Variants in MPST observed in about 807,000 individuals in gnomAD.
MPST encodes the protein mercaptopyruvate sulfurtransferase, also known as 3-mercaptopyruvate sulfurtransferase.
A neutral mutation model predicts 28.5 loss-of-function variants in MPST; 27 were observed. The observed-to-expected ratio is 0.95, with a 90% CI of 0.70 to 1.31. The LOEUF is 1.31. MPST is among the 50% of genes most tolerant of loss of function. MPST has a pLI of 0.00. For synonymous variants in MPST, 204 were observed against 209.3 expected (o/e 0.97, Z 0.22); for missense variants, 492 against 471.1 (o/e 1.04, Z -0.41).
At chr22:37,025,562 G>T (rs5756490) in intron 2 of MPST, 47,413 of 163,208 alleles carry the variant, frequency 0.29, 7,406 homozygotes, top group East Asian at 0.59. Flanking sequence ...ATGCGAGGAG[G>T]AGTCCCCACA....
intron 1 of MPST, chr22:37,023,933 G>A (rs1473607978): frequency 6.6e-7 from 1 of 1,525,044 alleles, no homozygotes; most frequent in Admixed American, 1.8e-5. Flanking sequence ...TGGAGGTGAG[G>A]GGCGTGGCCT....
intron 2 of MPST, 182 bp from the exon 3 acceptor site, chr22:37,029,034 A>G: frequency 1.6e-6 from 1 of 621,274 alleles, no homozygotes; most frequent in East Asian, 2.8e-5. Flanking sequence ...CGTGTATAAA[A>G]TGGGGGCTCC....
intron 2 of MPST, chr22:37,025,139 G>T (rs1426640699): frequency 1.4e-5 from 20 of 1,391,066 alleles, no homozygotes; most frequent in Non-Finnish European, 1.7e-5. Context: ...TGGGGAAGGA[G>T]ATTTGACTTC....
chr22:37,025,982 C>T (rs896764858), intron 2 of MPST: 6 of 152,224 alleles, frequency 3.9e-5, no homozygotes, highest in African/African-American at 1.2e-4. Context: ...TTGGTGAATA[C>T]AGAAGGTCCC....
Position 37,024,583 on chromosome 22 carries a change from A to G in MPST, c.428A>G (p.His143Arg), listed in dbSNP as rs2145918018. The change falls in exon 2 of 3, where the codon CAC (histidine) becomes CGC (arginine). Residue 143 changes from histidine to arginine, a missense_variant. Coordinates refer to ENST00000429360, the MANE Select transcript of MPST (RefSeq NM_021126.8). The stretch of plus-strand genomic sequence containing the variant: ...TGGATGTTCCGCGCCTTCGGCCACC[A>G]CGCCGTGTCACTGCTTGATGGCGGC... ...VWWMFRAFGH[H>R]AVSLLDGGLR... The G allele has an allele frequency of 6.3e-7, 1 of 1,591,364 alleles. No homozygotes were observed. Among genetic ancestry groups the G allele is most frequent in the Non-Finnish European group, 8.5e-7 (1 of 1,175,314 alleles).
intron 1 of MPST, chr22:37,023,849 T>C: frequency 7.2e-7 from 1 of 1,394,862 alleles, no homozygotes; most frequent in Non-Finnish European, 9.4e-7. Flanking sequence ...GGTGGAGACT[T>C]TGCCCCTGTT....
intron 1 of MPST, among the ~76,000 whole-genome samples, chr22:37,022,064 G>T (rs1026011606): frequency 6.6e-6 from 1 of 152,100 alleles, no homozygotes; most frequent in African/African-American, 2.4e-5. Flanking sequence ...AGTGTTTGGG[G>T]GTGCACAGGG....
At chr22:37,028,430 T>TGAGGCAGGAGAATCACTTG (rs1923666240) in intron 2 of MPST, 1 of 151,710 alleles carries the variant, frequency 6.6e-6, no homozygotes, top group African/African-American at 2.4e-5. Context: ...CTCAGGAGGC[T>TGAGGCAGGAGAATCACTTG]GAGGCAGGAG....
rs756405108 is a variant in MPST, at chr22:37,029,251, A to T, written c.691A>T (p.Ile231Phe). ...EPGHIPGTVN[I>F]PFTDFLSQEG... ...TGGCCACATCCCAGGTACCGTGAAC[A>T]TCCCCTTCACAGACTTCCTGAGCCA... is the stretch of plus-strand genomic sequence containing the variant. Residue 231 changes from isoleucine (I) to phenylalanine (F), a missense_variant, in exon 3 of 3, where the codon ATC (isoleucine) becomes TTC (phenylalanine). Transcript: ENST00000429360. 7 of 1,613,986 alleles carry T rather than the reference A, an allele frequency of 4.3e-6. No homozygotes were observed. Among genetic ancestry groups the T allele is most frequent in the South Asian group, 3.3e-5 (3 of 91,062 alleles).
chr22:37,021,922 T>A (rs1923105512), intron 1 of MPST, among the ~76,000 whole-genome samples: 1 of 152,094 alleles, frequency 6.6e-6, no homozygotes, highest in South Asian at 2.1e-4. Context: ...CACACCCACA[T>A]CACACAACCA....
Position 37,024,440 on chromosome 22 carries a change from G to C in MPST, c.285G>C (p.Met95Ile), listed in dbSNP as rs1325000914. Residue 95 changes from methionine to isoleucine, a missense_variant, in exon 2 of 3, where the codon ATG becomes ATC. Transcript: ENST00000429360. ...ACCGCACCTCGCCCTACGACCACAT[G>C]CTGCCCGGGGCCGAGCATTTCGCGG... ...CSDRTSPYDH[M>I]LPGAEHFAEY... 5 of 1,543,914 alleles carry C rather than the reference G, an allele frequency of 3.2e-6. No individual in the cohort carries two copies. Among genetic ancestry groups the C allele is most frequent in the Non-Finnish European group, 4.4e-6 (5 of 1,142,898 alleles).
chr22:37,025,275 A>C, intron 2 of MPST: 3 of 687,020 alleles, frequency 4.4e-6, no homozygotes, highest in Non-Finnish European at 6.2e-6. Flanking sequence ...TCTCAATCCA[A>C]CACTAGAGGT....
chr22:37,019,800 T>C lies in MPST; in HGVS notation c.-37T>C, dbSNP rs1000403867. ...GTTGGTGGCGGGAGGAGGGGACAGCTGCGGGCGCGGGGAGGGGGCGCCGCG... is the reference window on the plus strand; with the variant it reads ...GTTGGTGGCGGGAGGAGGGGACAGCCGCGGGCGCGGGGAGGGGGCGCCGCG... On this transcript the variant is annotated 5_prime_UTR_variant, in exon 1 of 3. Coordinates refer to ENST00000429360, the MANE Select transcript of MPST (RefSeq NM_021126.8). The C allele has an allele frequency of 1.8e-6, 2 of 1,097,442 alleles. No homozygotes were observed. The highest frequency in any genetic ancestry group is 2.3e-6 in the Non-Finnish European group (2 of 865,292). The allele number at this position is 1,097,442 out of a possible 1,614,324, so 68.0% of individuals were successfully genotyped here. A position where few individuals can be genotyped will look rare whatever the true frequency, so the allele number is the denominator to read the frequency against.
Position 37,024,045 on chromosome 22 carries a change from T to C in MPST, c.37-147T>C, listed in dbSNP as rs1923275086. The C allele has an allele frequency of 4.0e-6, 5 of 1,258,640 alleles. No homozygotes were observed. In the South Asian group the frequency reaches 6.6e-5, roughly 17 times the overall value. 78.0% of individuals were successfully genotyped at this position (1,258,640 alleles called of 1,614,324 possible). On this transcript the variant is annotated intron_variant, in intron 1 of 2. Transcript: ENST00000429360. ...TGGCTACCCACCTTTGTGCCCGGGTTCACCACCACTGGTTTCTGCGTTCCC... is the reference window on the plus strand; with the variant it reads ...TGGCTACCCACCTTTGTGCCCGGGTCCACCACCACTGGTTTCTGCGTTCCC...
chr22:37,023,921 A>T (rs1237700186), intron 1 of MPST: 1 of 1,513,540 alleles, frequency 6.6e-7, no homozygotes. Context: ...CTGCCCAGCA[A>T]GTGGAGGTGA....
chr22:37,024,203 G>T lies in MPST; in HGVS notation c.48G>T (p.Pro16=). 1 of 1,379,352 alleles carries T rather than the reference G, an allele frequency of 7.2e-7. No homozygotes were observed. The highest frequency in any genetic ancestry group is 1.6e-5 in the South Asian group (1 of 60,914). 85.4% of individuals were successfully genotyped at this position (1,379,352 alleles called of 1,614,324 possible). A position where few individuals can be genotyped will look rare whatever the true frequency, so the allele number is the denominator to read the frequency against. The change falls in exon 2 of 3, where the codon CCG becomes CCT. Residue 16 remains proline (P), a synonymous_variant. Coordinates refer to ENST00000429360, the MANE Select transcript of MPST (RefSeq NM_021126.8). The part of the protein sequence containing the change: ...SRESETRARS[P]SVAAMASPQL... ...TCCCTGTCGCCCAGGCCCGCAGCCC[G>T]AGTGTCGCCGCCATGGCTTCGCCGC... is the stretch of plus-strand genomic sequence containing the variant.
Position 37,029,446 on chromosome 22 carries a change from T to C in MPST, c.886T>C (p.Trp296Arg). The change falls in exon 3 of 3, where the codon TGG becomes CGG. Residue 296 changes from tryptophan (W) to arginine (R), a missense_variant. By Grantham distance (101) the Trp-to-Arg change is moderately radical. Transcript: ENST00000429360. ...AGACGTGCCCATCTACGATGGCTCCTGGGTGGAGTGGTACATGCGCGCCCG... is the reference window on the plus strand; with the variant it reads ...AGACGTGCCCATCTACGATGGCTCCCGGGTGGAGTGGTACATGCGCGCCCG... ...KPDVPIYDGS[W>R]VEWYMRARPE... 1 of 1,613,598 alleles carries C rather than the reference T, an allele frequency of 6.2e-7. No homozygotes were observed. The highest frequency in any genetic ancestry group is 1.1e-5 in the South Asian group (1 of 91,074).
chr22:37,020,744 C>T (rs935270945), intron 1 of MPST, among the ~76,000 whole-genome samples: 4 of 152,092 alleles, frequency 2.6e-5, no homozygotes, highest in Admixed American at 6.5e-5. Flanking sequence ...CTGCAACCTC[C>T]GCCTCCCAGG....
Position 37,024,298 on chromosome 22 carries a change from C to T in MPST, c.143C>T (p.Pro48Leu), listed in dbSNP as rs1923307606. The part of the protein sequence containing the change: ...EALRAPRAGQ[P>L]LQLLDASWYL... ...CTGCGGGCCCCGCGCGCTGGGCAGC[C>T]TCTGCAGCTGCTGGACGCCTCCTGG... The change falls in exon 2 of 3, where the codon CCT (proline) becomes CTT (leucine). Residue 48 changes from proline to leucine, a missense_variant. By Grantham distance (98) the Pro-to-Leu change is moderately conservative. Coordinates refer to ENST00000429360, the MANE Select transcript of MPST (RefSeq NM_021126.8). 6.5e-7 allele frequency: 1 copy of T among 1,526,768 alleles called. No individual in the cohort carries two copies. Among genetic ancestry groups the T allele is most frequent in the Admixed American group, 2.0e-5 (1 of 49,636 alleles). The allele number at this position is 1,526,768 out of a possible 1,614,324, so 94.6% of individuals were successfully genotyped here.
Sources: allele counts gnomAD v4.1 joint callset (sites outside exome capture counted in the v4.1 genomes callset), GRCh38; gene constraint gnomAD v4.1.1; transcripts MANE v1.5; gene names NCBI Gene and HGNC (gene_info 2026-07-23, HGNC 2026-07-21).